Variants in GAK observed in about 807,000 individuals in gnomAD.
The protein encoded by GAK is cyclin G associated kinase, also known as cyclin-G-associated kinase.
GAK carries 79 observed loss-of-function variants against 143.9 expected under a neutral mutation model. The observed-to-expected ratio is 0.55, with a 90% confidence interval of 0.46 to 0.66. GAK has a LOEUF of 0.66. GAK is among the 30% of genes least tolerant of loss of function. The pLI is 0.00. For missense variants in GAK, 1,693 were observed against 1,779.7 expected (o/e 0.95, Z 0.88); for synonymous variants, 881 against 765.5 (o/e 1.15, Z -2.49).
rs143239227 is a variant in GAK at position 906,876 on chromosome 4, C to A, written c.383-2097G>T. Among the ~76,000 whole-genome samples, 26 of 152,336 alleles carry A rather than the reference C, an allele frequency of 1.7e-4. No homozygotes were observed. The East Asian group carries it at 4.8e-3, about 28-fold the overall frequency. ...CTCCCTTCCTCCCTGCCTCAGGACC[C>A]CTCACAAGCTGCTTCTGCGGCCAGG... is the stretch of plus-strand genomic sequence containing the variant. On this transcript the variant is annotated intron_variant, in intron 4 of 27. Transcript: ENST00000314167.
At chr4:912,106 G>A (rs1226254801) in intron 3 of GAK, 2 of 466,076 alleles carry the variant, frequency 4.3e-6, no homozygotes, top group South Asian at 1.5e-5. Flanking sequence ...TGCGCAGGGA[G>A]GCTGCGGCGT....
intron 10 of GAK, 57 bp downstream of exon 10, chr4:890,475 T>C (rs1442086713): frequency 1.5e-6 from 2 of 1,338,496 alleles, no homozygotes; most frequent in Non-Finnish European, 2.1e-6. Context: ...GTGCTGCGGG[T>C]GCCCGGGGTG....
At chr4:888,734 G>T in intron 11 of GAK, 113 bp downstream of exon 11, 2 of 1,335,848 alleles carry the variant, frequency 1.5e-6, no homozygotes, top group Non-Finnish European at 2.0e-6. Context: ...TGCCTCAGGG[G>T]CCCCTGTGGG....
At chr4:897,046 G>A (rs1435120398) in intron 6 of GAK, among the ~76,000 whole-genome samples, 1 of 152,268 alleles carries the variant, frequency 6.6e-6, no homozygotes, top group African/African-American at 2.4e-5. Context: ...AGGCACTTGC[G>A]AGAGGCAGAG....
chr4:882,744 C>G lies in GAK; in HGVS notation c.1480G>C (p.Ala494Pro). 1 of 1,612,616 alleles carries G rather than the reference C, an allele frequency of 6.2e-7. No individual in the cohort carries two copies. The highest frequency in any genetic ancestry group is 8.5e-7 in the Non-Finnish European group (1 of 1,179,964). The change falls in exon 14 of 28, where the codon GCC becomes CCC. Residue 494 changes from alanine to proline, a missense_variant. Transcript: ENST00000314167. ...TLYNICRNMH[A>P]WLRQDHKNVC... ...TTCTTGTGGTCCTGCCGCAGCCAGGCGTGCATGTTCCTGCAGATGTTGTAC... is the reference window on the plus strand; with the variant it reads ...TTCTTGTGGTCCTGCCGCAGCCAGGGGTGCATGTTCCTGCAGATGTTGTAC...
At chr4:877,535 C>A in intron 16 of GAK, 80 bp downstream of exon 16, 2 of 1,433,628 alleles carry the variant, frequency 1.4e-6, no homozygotes, top group Admixed American at 4.8e-5. Context: ...CTGTCCCCGG[C>A]AAGGCCAGGG....
chr4:911,833 G>C, intron 3 of GAK, 46 bp from the exon 4 acceptor site: 1 of 1,396,156 alleles, frequency 7.2e-7, no homozygotes, highest in Non-Finnish European at 1.0e-6. Flanking sequence ...CATGTCCACA[G>C]TTCTGTGCAC....
intron 11 of GAK, 32 bp from the exon 12 acceptor site, chr4:884,118 A>G (rs1389427100): frequency 6.3e-7 from 1 of 1,592,308 alleles, no homozygotes; most frequent in Non-Finnish European, 8.6e-7. Flanking sequence ...CTTGGTTATG[A>G]CAAGAAACAC....
At position 883,407 on chromosome 4, in the gene GAK, C is replaced by T. The variant is rs772983279; in HGVS notation, c.1312G>A (p.Val438Met). ...TGCTTGGAGTCCAGGAACAACCGCA[C>T]ATCTTCGATGTTGTTTTTGAGCGCT... ...ESALKNNIED[V>M]RLFLDSKHPG... The change falls in exon 13 of 28, where the codon GTG becomes ATG. Residue 438 changes from valine to methionine, a missense_variant. By Grantham distance (21) the Val-to-Met change is conservative (BLOSUM62 1). Around this residue, in one of 2 missense-constraint regions of GAK, gnomAD observed 871 missense variants for 991.0 expected, o/e 0.88. Coordinates refer to ENST00000314167, the MANE Select transcript of GAK (RefSeq NM_005255.4). The T allele has an allele frequency of 1.9e-5, 31 of 1,613,726 alleles. No individual in the cohort carries two copies. Among genetic ancestry groups the T allele is most frequent in the South Asian group, 4.4e-5 (4 of 91,096 alleles).
At chr4:916,415 C>T (rs1723096827) in intron 1 of GAK, among the ~76,000 whole-genome samples, 3 of 152,150 alleles carry the variant, frequency 2.0e-5, no homozygotes, top group South Asian at 2.1e-4. Context: ...TCACCACACC[C>T]GGCTAATTTT....
intron 18 of GAK, chr4:872,458 G>A (rs952993574): frequency 3.9e-5 from 6 of 152,302 alleles, no homozygotes; most frequent in African/African-American, 1.4e-4. Flanking sequence ...CTGGCGTGGA[G>A]ATGTGGAGGA....
At chr4:890,928 C>G (rs1348177728) in intron 9 of GAK, among the ~76,000 whole-genome samples, 4 of 152,078 alleles carry the variant, frequency 2.6e-5, no homozygotes, top group African/African-American at 9.7e-5. Flanking sequence ...CTCTCTCTTC[C>G]CAGTCTGTCC....
At position 893,771 on chromosome 4, in the gene GAK, T is replaced by C. The variant is rs376775908; in HGVS notation, c.877+103A>G. On this transcript the variant is annotated intron_variant, in intron 8 of 27. Transcript: ENST00000314167. The stretch of plus-strand genomic sequence containing the variant: ...TCAAAACTATGGTGACGGGCGGGAG[T>C]GGGGCCAGGTGAGCAGTGCCCCAAG... 23 of 1,337,026 alleles carry C rather than the reference T, an allele frequency of 1.7e-5. No individual in the cohort carries two copies. In the African/African-American group the frequency reaches 2.4e-4, roughly 14 times the overall value. The allele number at this position is 1,337,026 out of a possible 1,614,324, so 82.8% of individuals were successfully genotyped here. A position where few individuals can be genotyped will look rare whatever the true frequency, so the allele number is the denominator to read the frequency against.
chr4:856,680 C>A (rs1325898910), intron 24 of GAK, among the ~76,000 whole-genome samples: 1 of 150,544 alleles, frequency 6.6e-6, no homozygotes, highest in African/African-American at 2.5e-5. Context: ...GCTGCTCACA[C>A]CTGCTCACCA....
At chr4:931,395 A>G (rs1725735534) in intron 1 of GAK, among the ~76,000 whole-genome samples, 2 of 152,044 alleles carry the variant, frequency 1.3e-5, no homozygotes, top group South Asian at 4.1e-4. Context: ...ATCACGAGAC[A>G]CAGCCCAGTC....
chr4:927,821 G>A (rs555819833), intron 1 of GAK, among the ~76,000 whole-genome samples: 51 of 146,304 alleles, frequency 3.5e-4, no homozygotes, highest in Non-Finnish European at 4.7e-4. Context: ...CGCAGGCCCC[G>A]CACCCCTCCC....
chr4:931,166 C>T (rs527250822), intron 1 of GAK, among the ~76,000 whole-genome samples: 1 of 152,336 alleles, frequency 6.6e-6, no homozygotes, highest in South Asian at 2.1e-4. Flanking sequence ...GTGATCGATT[C>T]CGTGTGAACG....
chr4:851,769 C>T lies in GAK; in HGVS notation c.3489G>A (p.Gly1163=), dbSNP rs776792019. 1 of 1,613,326 alleles carries T rather than the reference C, an allele frequency of 6.2e-7. No homozygotes were observed. The highest frequency in any genetic ancestry group is 8.5e-7 in the Non-Finnish European group (1 of 1,179,830). ...ACTCACCAAAGCTGGGTGCGCGGAC[C>T]CCCCGCTCCTCCCGCGCCCCGATCA... The part of the protein sequence containing the change: ...FSVIGAREER[G]VRAPSFAQKP... Residue 1163 remains glycine (G), a synonymous_variant, in exon 25 of 28, where the codon GGG becomes GGA. Coordinates refer to ENST00000314167, the MANE Select transcript of GAK (RefSeq NM_005255.4).
intron 11 of GAK, among the ~76,000 whole-genome samples, chr4:885,312 A>T (rs551074916): frequency 6.6e-6 from 1 of 152,222 alleles, no homozygotes; most frequent in Non-Finnish European, 1.5e-5. Flanking sequence ...GCGGTGGCTC[A>T]TGCCTGTAAT....
Sources: gnomAD v4.1 joint callset for allele counts (sites outside exome capture counted in the v4.1 genomes callset) on GRCh38, gnomAD v4.1.1 for gene constraint, gnomAD v4.1.1 regional missense constraint, MANE v1.5 for transcripts, NCBI Gene and HGNC (gene_info 2026-07-23, HGNC 2026-07-21) for gene names.